The following ANKRD17 variants were observed in gnomAD, a reference collection of about 807,000 sequenced individuals.
The protein encoded by ANKRD17 is ankyrin repeat domain-containing protein 17.
Under a neutral mutation model 229.7 loss-of-function variants are expected in ANKRD17, and 19 were observed. The ratio of observed to expected loss-of-function variants is 0.08; its 90% CI spans 0.06 to 0.12. The LOEUF (loss-of-function observed/expected upper bound fraction) is 0.12, where lower values mean the gene tolerates loss of function less well. Ranked by LOEUF, ANKRD17 falls within the 10% of genes least tolerant of loss-of-function variation. ANKRD17 has a pLI of 1.00. For missense variants in ANKRD17, 2,176 were observed against 3,176.8 expected (o/e 0.68, Z 7.57); for synonymous variants, 1,112 against 1,146.1 (o/e 0.97, Z 0.60).
At chr4:73,147,728 G>A (rs1389367998) in intron 8 of ANKRD17, among the ~76,000 whole-genome samples, 2 of 151,830 alleles carry the variant, frequency 1.3e-5, no homozygotes, top group African/African-American at 2.4e-5. Context: ...TCATTATAGT[G>A]ATTCAAAAAT....
At chr4:73,145,092 G>T (rs570763423) in intron 10 of ANKRD17, among the ~76,000 whole-genome samples, 1 of 152,208 alleles carries the variant, frequency 6.6e-6, no homozygotes, top group East Asian at 1.9e-4. Context: ...TTATAGTCAC[G>T]TGATCATGAT....
At chr4:73,147,505 C>T (rs1730442000) in intron 8 of ANKRD17, 73 bp from the exon 9 acceptor site, 1 of 1,197,148 alleles carries the variant, frequency 8.4e-7, no homozygotes, top group Admixed American at 3.1e-5. Context: ...ATGATTGTTT[C>T]TTAATAAACT....
chr4:73,151,671 T>C (rs1731014427), intron 6 of ANKRD17, 147 bp from the exon 7 acceptor site: 1 of 546,078 alleles, frequency 1.8e-6, no homozygotes, highest in African/African-American at 2.0e-5. Context: ...CCCTCAATTG[T>C]AGAACACAAA....
At chr4:73,118,088 C>T (rs1014249945) in intron 22 of ANKRD17, among the ~76,000 whole-genome samples, 5 of 152,066 alleles carry the variant, frequency 3.3e-5, no homozygotes, top group African/African-American at 9.7e-5. Context: ...GCAATCTCAG[C>T]TCACTGCAAC....
At position 73,091,808 on chromosome 4, in the gene ANKRD17, C is replaced by A; in HGVS notation, c.5820G>T (p.Ser1940=). The change falls in exon 29 of 34, where the codon TCG becomes TCT. Residue 1940 remains serine (S), a synonymous_variant. Coordinates refer to ENST00000358602, the MANE Select transcript of ANKRD17 (RefSeq NM_032217.5). ...GGCGAGGCACCATGTGAGGCTTAGG[C>A]GAGTTAGTAGCTCTGGCAGGGCTCA... ...RPLSPARATN[S]PKPHMVPRHS... is the part of the protein sequence containing the mutation. 1 of 1,614,090 alleles carries A rather than the reference C, an allele frequency of 6.2e-7. No individual in the cohort carries two copies. Among genetic ancestry groups the A allele is most frequent in the Non-Finnish European group, 8.5e-7 (1 of 1,180,022 alleles).
chr4:73,099,804 C>T (rs1247667200), intron 25 of ANKRD17, among the ~76,000 whole-genome samples: 3 of 152,198 alleles, frequency 2.0e-5, no homozygotes, highest in South Asian at 2.1e-4. Context: ...GAGCCTCTTA[C>T]TTCCTCTTCA....
rs762636363 is a variant in ANKRD17, at chr4:73,258,354, TCCGCCTCCACCGCCGCCTCCACCG to T, written c.291_314del (p.Gly103_Gly110del). On this transcript the variant is annotated inframe_deletion, in exon 1 of 34. Transcript: ENST00000358602. ...TACTGCTGGTGCCGCCGCCGCCACC[TCCGCCTCCACCGCCGCCTCCACCG>T]CCGCCGCTGTTGTCGCTGTCGCTGC... is the stretch of plus-strand genomic sequence containing the variant. 1 of 1,608,344 alleles carries T rather than the reference TCCGCCTCCACCGCCGCCTCCACCG, an allele frequency of 6.2e-7. No individual in the cohort carries two copies. Among genetic ancestry groups the T allele is most frequent in the South Asian group, 1.1e-5 (1 of 90,842 alleles).
At chr4:73,200,409 T>C (rs891996439) in intron 1 of ANKRD17, among the ~76,000 whole-genome samples, 5 of 152,018 alleles carry the variant, frequency 3.3e-5, no homozygotes, top group African/African-American at 1.2e-4. Flanking sequence ...CGAGCCTGAG[T>C]AACATAGTAA....
In ANKRD17 at chr4:73,085,562, A is replaced by G. The variant is rs1722030581; in HGVS notation, c.6962-116T>C. The G allele has an allele frequency of 1.9e-5, 18 of 972,418 alleles. 1 individual carries two copies. The highest frequency in any genetic ancestry group is 2.2e-5 in the Non-Finnish European group (15 of 672,264). 60.2% of individuals were successfully genotyped at this position (972,418 alleles called of 1,614,324 possible). On this transcript the variant is annotated intron_variant, in intron 29 of 33. Transcript: ENST00000358602. ...AAAACTATTTTAGATAATTAAAAAAATCCCGGCTGGGAGTGGTGGCCCACA... is the reference window on the plus strand; with the variant it reads ...AAAACTATTTTAGATAATTAAAAAAGTCCCGGCTGGGAGTGGTGGCCCACA...
At chr4:73,252,098 A>G (rs1194175304) in intron 1 of ANKRD17, among the ~76,000 whole-genome samples, 1 of 152,250 alleles carries the variant, frequency 6.6e-6, no homozygotes, top group Non-Finnish European at 1.5e-5. Context: ...TAATAAAGAA[A>G]TATTTATGAG....
chr4:73,108,081 G>C (rs1724855142), intron 24 of ANKRD17, among the ~76,000 whole-genome samples: 1 of 152,144 alleles, frequency 6.6e-6, no homozygotes, highest in African/African-American at 2.4e-5. Flanking sequence ...TCACCGCAGT[G>C]ACCTCCCCAG....
chr4:73,092,410 A>G, intron 28 of ANKRD17, 110 bp from the exon 29 acceptor site: 8 of 816,764 alleles, frequency 9.8e-6, no homozygotes, highest in Non-Finnish European at 1.5e-5. Flanking sequence ...TTGTGTGTAT[A>G]TACATACACA....
intron 29 of ANKRD17, among the ~76,000 whole-genome samples, chr4:73,087,439 T>C (rs563893173): frequency 6.6e-6 from 1 of 152,294 alleles, no homozygotes; most frequent in Admixed American, 6.5e-5. Context: ...TATATGATGC[T>C]CCTTCCTGAA....
intron 27 of ANKRD17, among the ~76,000 whole-genome samples, chr4:73,096,003 A>T (rs1723259372): frequency 6.6e-6 from 1 of 152,158 alleles, no homozygotes; most frequent in Non-Finnish European, 1.5e-5. Context: ...AATTCCTGAT[A>T]AGCTGATTAA....
chr4:73,084,408 CAT>C (rs1269291948), intron 30 of ANKRD17, among the ~76,000 whole-genome samples: 5 of 151,380 alleles, frequency 3.3e-5, no homozygotes, highest in African/African-American at 4.8e-5. Flanking sequence ...TTAAAAAACA[CAT>C]GTGATAATGT....
chr4:73,241,909 A>G (rs1014696861), intron 1 of ANKRD17, among the ~76,000 whole-genome samples: 2 of 152,180 alleles, frequency 1.3e-5, no homozygotes, highest in African/African-American at 4.8e-5. Context: ...GGGGCAGAAA[A>G]AGAACTGACC....
At chr4:73,215,296 T>C (rs563786200) in intron 1 of ANKRD17, among the ~76,000 whole-genome samples, 2 of 152,128 alleles carry the variant, frequency 1.3e-5, no homozygotes, top group African/African-American at 4.8e-5. Flanking sequence ...AGTCTTGCTC[T>C]GTCGCCAGGC....
intron 1 of ANKRD17, among the ~76,000 whole-genome samples, chr4:73,220,776 C>T (rs1741745475): frequency 6.6e-6 from 1 of 152,036 alleles, no homozygotes; most frequent in Non-Finnish European, 1.5e-5. Flanking sequence ...AATAAAATCA[C>T]AAAGGTGAAA....
At position 73,077,081 on chromosome 4, in the gene ANKRD17, C is replaced by T. The variant is rs746615847; in HGVS notation, c.7611G>A (p.Gly2537=). 1.0e-5 allele frequency: 16 copies of T among 1,595,724 alleles called. No individual in the cohort carries two copies. The South Asian group carries it at 1.5e-4, about 15-fold the overall frequency. Residue 2537 remains glycine, a synonymous_variant, in exon 33 of 34, where the codon GGG becomes GGA. Transcript: ENST00000358602. Reference sequence around the variant, plus strand: ...GTGCTACTGGAGGAATCATTGCATTCCCATACACAGAAAAAGGCATACCCT... The same window carrying T: ...GTGCTACTGGAGGAATCATTGCATTTCCATACACAGAAAAAGGCATACCCT... ...KVGGMPFSVY[G]NAMIPPVAPI...
Sources: allele counts gnomAD v4.1 joint callset (sites outside exome capture counted in the v4.1 genomes callset), GRCh38; gene constraint gnomAD v4.1.1; transcripts MANE v1.5; gene names NCBI Gene and HGNC (gene_info 2026-07-23, HGNC 2026-07-21).